The following GBE1 variants were observed in gnomAD, a reference collection of about 807,000 sequenced individuals.
GBE1 encodes 1,4-alpha-glucan branching enzyme 1, also known as 1,4-alpha-glucan-branching enzyme.
A neutral mutation model predicts 88.8 loss-of-function variants in GBE1; 70 were observed. The observed-to-expected ratio is 0.79, with a 90% CI of 0.65 to 0.96. The LOEUF (loss-of-function observed/expected upper bound fraction) is 0.96. Ranked by LOEUF, GBE1 falls within the 40% of genes least tolerant of loss-of-function variation. The pLI is 0.00. For missense variants in GBE1, 872 were observed against 871.0 expected, an observed-to-expected ratio of 1.00 and a Z score of -0.01; for synonymous variants, 284 against 300.1, an observed-to-expected ratio of 0.95 and a Z score of 0.56.
intron 14 of GBE1, among the ~76,000 whole-genome samples, chr3:81,527,981 T>C (rs891648273): frequency 1.3e-4 from 19 of 151,910 alleles, no homozygotes; most frequent in African/African-American, 4.6e-4. Flanking sequence ...GGTCCAACAA[T>C]GATAGACTGG....
chr3:81,687,467 G>A (rs995388000), intron 2 of GBE1, among the ~76,000 whole-genome samples: 1 of 152,128 alleles, frequency 6.6e-6, no homozygotes, highest in African/African-American at 2.4e-5. Flanking sequence ...TTTCCTTTCT[G>A]GTGGCTTCTC....
chr3:81,680,506 A>AG (rs1705324862), intron 2 of GBE1, among the ~76,000 whole-genome samples: 1 of 152,186 alleles, frequency 6.6e-6, no homozygotes, highest in East Asian at 1.9e-4. Context: ...AAAAAAAAAA[A>AG]AAAAAAAGAA....
chr3:81,647,318 C>G (rs754898303), intron 5 of GBE1, among the ~76,000 whole-genome samples: 32 of 152,090 alleles, frequency 2.1e-4, no homozygotes, highest in Non-Finnish European at 3.5e-4. Context: ...ATAATTTGCA[C>G]CTAAAAAATT....
chr3:81,505,194 T>C (rs820272), intron 14 of GBE1, among the ~76,000 whole-genome samples: 112,192 of 152,102 alleles, frequency 0.74, 41,437 homozygotes, highest in Middle Eastern at 0.82. Flanking sequence ...TATTTTATAT[T>C]TAATTCTTTA....
intron 10 of GBE1, among the ~76,000 whole-genome samples, chr3:81,582,309 G>A (rs1223509312): frequency 3.3e-5 from 5 of 152,220 alleles, no homozygotes; most frequent in Non-Finnish European, 7.4e-5. Context: ...ATAAGAGAAA[G>A]ATTTGAAGAT....
Position 81,705,512 on chromosome 3 carries a change from G to T in GBE1, c.245C>A (p.Ala82Asp). Residue 82 changes from alanine (A) to aspartate (D), a missense_variant, in exon 2 of 16, where the codon GCT becomes GAT. Physicochemically the swap from Ala to Asp is moderately radical, Grantham distance 126 (BLOSUM62 -2). Coordinates refer to ENST00000429644, the MANE Select transcript of GBE1 (RefSeq NM_000158.4). ...TTCTTTGCAGTATAAACCACCATCA[G>T]CACATCTGTGGACGCCAAATGATTC... Reference protein sequence around the residue: ...GYESFGVHRCADGGLYCKEWA... With the variant: ...GYESFGVHRCDDGGLYCKEWA... 6.2e-7 allele frequency: 1 copy of T among 1,603,108 alleles called. No individual in the cohort carries two copies. Among genetic ancestry groups the T allele is most frequent in the South Asian group, 1.1e-5 (1 of 88,664 alleles).
rs754084067 is a variant in GBE1, at chr3:81,586,083, G to C, written c.1335+9C>G. The C allele has an allele frequency of 3.9e-6, 6 of 1,543,108 alleles. No individual in the cohort carries two copies. The highest frequency in any genetic ancestry group is 3.4e-4 in the Middle Eastern group (2 of 5,936). On this transcript the variant is annotated intron_variant, in intron 10 of 15. Coordinates refer to ENST00000429644, the MANE Select transcript of GBE1 (RefSeq NM_000158.4). ...CACAGAAACAAAAAATATTTACATG[G>C]ACTCTTACCTGAATCCACTTATCTG...
chr3:81,581,149 G>A lies in GBE1; in HGVS notation c.1446+16C>T. On this transcript the variant is annotated intron_variant, in intron 11 of 15. Coordinates refer to ENST00000429644, the MANE Select transcript of GBE1 (RefSeq NM_000158.4). ...GAGAGAGAGAAATAAATGAATTTAT[G>A]CACATATTCATTTACCTGATCATGG... is the stretch of plus-strand genomic sequence containing the variant. 1 of 1,428,866 alleles carries A rather than the reference G, an allele frequency of 7.0e-7. No homozygotes were observed. The allele number at this position is 1,428,866 out of a possible 1,614,324, so 88.5% of individuals were successfully genotyped here.
At chr3:81,748,049 G>A (rs894544301) in intron 1 of GBE1, among the ~76,000 whole-genome samples, 2 of 152,184 alleles carry the variant, frequency 1.3e-5, no homozygotes, top group Non-Finnish European at 2.9e-5. Flanking sequence ...CAAATGGGGA[G>A]GCAGAGGTTG....
chr3:81,705,503 C>T lies in GBE1; in HGVS notation c.254G>A (p.Gly85Asp). ...CGGGGCCCATTCTTTGCAGTATAAA[C>T]CACCATCAGCACATCTGTGGACGCC... Reference protein sequence around the residue: ...SFGVHRCADGGLYCKEWAPGA... With the variant: ...SFGVHRCADGDLYCKEWAPGA... Residue 85 changes from glycine to aspartate, a missense_variant, in exon 2 of 16, where the codon GGT (glycine) becomes GAT (aspartate). Gly to Asp is a moderately conservative substitution (Grantham distance 94). Transcript: ENST00000429644. 6.2e-7 allele frequency: 1 copy of T among 1,603,472 alleles called. No individual in the cohort carries two copies. The highest frequency in any genetic ancestry group is 8.5e-7 in the Non-Finnish European group (1 of 1,174,948).
intron 14 of GBE1, among the ~76,000 whole-genome samples, chr3:81,532,264 G>A (rs977350857): frequency 1.3e-5 from 2 of 151,800 alleles, no homozygotes; most frequent in African/African-American, 4.8e-5. Flanking sequence ...GTTCCTGTAG[G>A]GAGGACAATG....
intron 14 of GBE1, among the ~76,000 whole-genome samples, chr3:81,499,952 T>G (rs1559624968): frequency 1.3e-5 from 2 of 152,210 alleles, no homozygotes; most frequent in African/African-American, 4.8e-5. Context: ...TTGTTTCTTC[T>G]AGCCTAAGTA....
At chr3:81,596,775 C>G (rs1327910796) in intron 7 of GBE1, among the ~76,000 whole-genome samples, 2 of 151,712 alleles carry the variant, frequency 1.3e-5, no homozygotes. Flanking sequence ...GCAGAGGTAC[C>G]CTGTTCTGCA....
chr3:81,505,969 A>C (rs1702647463), intron 14 of GBE1, among the ~76,000 whole-genome samples: 1 of 152,026 alleles, frequency 6.6e-6, no homozygotes, highest in Admixed American at 6.6e-5. Flanking sequence ...AACTATAAAA[A>C]CCCTGAAAGA....
chr3:81,759,565 T>C (rs1706651623), intron 1 of GBE1, among the ~76,000 whole-genome samples: 1 of 152,226 alleles, frequency 6.6e-6, no homozygotes, highest in African/African-American at 2.4e-5. Flanking sequence ...CAAATTACTA[T>C]TTGATATGCC....
intron 14 of GBE1, among the ~76,000 whole-genome samples, chr3:81,511,896 T>A (rs1702730629): frequency 6.6e-6 from 1 of 151,050 alleles, no homozygotes; most frequent in Non-Finnish European, 1.5e-5. Flanking sequence ...TATGCACTTG[T>A]ATGTTTATCA....
intron 12 of GBE1, 146 bp from the exon 13 acceptor site, chr3:81,537,241 G>T: frequency 1.8e-6 from 1 of 549,394 alleles, no homozygotes; most frequent in South Asian, 4.0e-5. Flanking sequence ...ATGATGTACA[G>T]GTGTAGCTCA....
chr3:81,573,775 C>CTGTG (rs61048893), intron 12 of GBE1, among the ~76,000 whole-genome samples: 33,583 of 148,786 alleles, frequency 0.23, 4,004 homozygotes, highest in African/African-American at 0.32. Flanking sequence ...CTCTCTCTCT[C>CTGTG]TGTGTGTGTG....
intron 3 of GBE1, among the ~76,000 whole-genome samples, chr3:81,658,529 T>C (rs1490636109): frequency 6.6e-6 from 1 of 152,142 alleles, no homozygotes; most frequent in Non-Finnish European, 1.5e-5. Flanking sequence ...AACCAGGTCC[T>C]GACTTAGAAT....
Sources: allele counts gnomAD v4.1 joint callset (sites outside exome capture counted in the v4.1 genomes callset), GRCh38; gene constraint gnomAD v4.1.1; transcripts MANE v1.5; gene names NCBI Gene and HGNC (gene_info 2026-07-23, HGNC 2026-07-21).